Variants in ALG9 observed in about 807,000 individuals in gnomAD.
The protein encoded by ALG9 is alpha-1,2-mannosyltransferase ALG9.
A neutral mutation model predicts 81.8 loss-of-function variants in ALG9; 55 were observed. The ratio of observed to expected loss-of-function variants is 0.67; its 90% CI spans 0.54 to 0.84. The LOEUF is 0.84. Among genes scored for constraint, ALG9 ranks in the 40% least tolerant of loss-of-function variants. ALG9 has a pLI of 0.00. For missense variants in ALG9, 629 were observed against 745.0 expected (o/e 0.84, Z 1.81); for synonymous variants, 278 against 274.3 (o/e 1.01, Z -0.13).
chr11:111,871,184 G>A (rs1964183500), intron 1 of ALG9, 168 bp downstream of exon 1: 1 of 1,300,100 alleles, frequency 7.7e-7, no homozygotes, highest in South Asian at 2.4e-5. Context: ...AAGACTGAAT[G>A]CTGACCCGCC....
At chr11:111,816,253 A>AT (rs1951459487) in intron 13 of ALG9, among the ~76,000 whole-genome samples, 1 of 152,248 alleles carries the variant, frequency 6.6e-6, no homozygotes, top group Admixed American at 6.5e-5. Context: ...CAAAGCATTT[A>AT]TTAAGTATCT....
In ALG9 at chr11:111,870,382, C is replaced by CCAAAACAAA; in HGVS notation, c.132-13_132-12insTTTGTTTTG. 1 of 969,600 alleles carries CCAAAACAAA rather than the reference C, an allele frequency of 1.0e-6. No individual in the cohort carries two copies. Among genetic ancestry groups the CCAAAACAAA allele is most frequent in the Non-Finnish European group, 1.2e-6 (1 of 800,854 alleles). The allele number at this position is 969,600 out of a possible 1,614,324, so 60.1% of individuals were successfully genotyped here. A position where few individuals can be genotyped will look rare whatever the true frequency, so the allele number is the denominator to read the frequency against. ...TGTTCCCAGATAACCTGTTCAAAAG[C>CCAAAACAAA]AAAAAAAAAAAAAAAAAAAAAAGCA... On this transcript the variant is annotated splice_polypyrimidine_tract_variant and intron_variant, in intron 1 of 14. Transcript: ENST00000616540.
chr11:111,773,134 G>A, the ALG9 span, among the ~76,000 whole-genome samples: 1 of 152,136 alleles, frequency 6.6e-6, no homozygotes, highest in Admixed American at 6.5e-5. Flanking sequence ...TGAATCTGAT[G>A]CCCATGCCAA....
chr11:111,830,677 G>A (rs1954196852), intron 13 of ALG9, among the ~76,000 whole-genome samples: 2 of 151,974 alleles, frequency 1.3e-5, no homozygotes, highest in Non-Finnish European at 2.9e-5. Flanking sequence ...AAACAAATAG[G>A]GCAAGTTATT....
Position 111,836,148 on chromosome 11 carries a change from G to A in ALG9, c.1602+17C>T, listed in dbSNP as rs1955215775. ...AGAATTCTTTTCAGAGAAGCAAGAA[G>A]AGAATGTAGCCCTTACATATCTGGA... is the stretch of plus-strand genomic sequence containing the variant. On this transcript the variant is annotated intron_variant, in intron 13 of 14. Transcript: ENST00000616540. The A allele has an allele frequency of 6.2e-7, 1 of 1,613,638 alleles. No homozygotes were observed. The highest frequency in any genetic ancestry group is 8.5e-7 in the Non-Finnish European group (1 of 1,179,672).
At chr11:111,832,243 T>A (rs549000143) in intron 13 of ALG9, among the ~76,000 whole-genome samples, 2 of 152,330 alleles carry the variant, frequency 1.3e-5, no homozygotes, top group African/African-American at 4.8e-5. Context: ...CCATTTAACA[T>A]ATGTAAAATC....
At chr11:111,831,481 G>A (rs782807682) in intron 13 of ALG9, among the ~76,000 whole-genome samples, 4 of 152,152 alleles carry the variant, frequency 2.6e-5, no homozygotes, top group African/African-American at 9.7e-5. Context: ...CTGGGTGACA[G>A]AGTGAGACCC....
intron 13 of ALG9, among the ~76,000 whole-genome samples, chr11:111,830,467 T>C (rs1441370633): frequency 5.9e-5 from 9 of 152,238 alleles, no homozygotes; most frequent in African/African-American, 1.7e-4. Flanking sequence ...TTTTTGTTCA[T>C]TCAATCATTA....
intron 14 of ALG9, among the ~76,000 whole-genome samples, chr11:111,795,454 A>C (rs1289558774): frequency 6.6e-6 from 1 of 152,162 alleles, no homozygotes; most frequent in Non-Finnish European, 1.5e-5. Context: ...TGCTAAAGAA[A>C]ATATACTGCA....
rs1555089230 is a variant in ALG9, at chr11:111,809,689, C to T, written c.1687G>A (p.Glu563Lys). Residue 563 changes from glutamate (E) to lysine (K), a missense_variant, in exon 14 of 15, where the codon GAA becomes AAA. Physicochemically the swap from Glu to Lys is moderately conservative, Grantham distance 56. Around this residue, in one of 3 missense-constraint regions of ALG9, gnomAD observed 264 missense variants for 302.2 expected, o/e 0.87. Transcript: ENST00000616540. ...PREPKYSSNK[E>K]EWISLAYRPF... ...CTATAGGCCAAGCTGATCCATTCTT[C>T]TTTATTGGATGAATATTTTGGCTCC... 7 of 1,614,068 alleles carry T rather than the reference C, an allele frequency of 4.3e-6. No individual in the cohort carries two copies. The highest frequency in any genetic ancestry group is 1.1e-5 in the South Asian group (1 of 91,078).
chr11:111,820,149 A>G (rs1952106536), intron 13 of ALG9, among the ~76,000 whole-genome samples: 1 of 152,126 alleles, frequency 6.6e-6, no homozygotes. Context: ...ATTCAGATCC[A>G]TGACTGCATT....
chr11:111,870,458 A>G (rs1963977349), intron 1 of ALG9, 88 bp from the exon 2 acceptor site: 2 of 1,452,592 alleles, frequency 1.4e-6, no homozygotes, highest in East Asian at 5.2e-5. Context: ...TAGAAAGGAC[A>G]AAAAGGGCAA....
At chr11:111,786,589 T>C in intron 14 of ALG9, 69 bp from the exon 15 acceptor site, 1 of 1,518,094 alleles carries the variant, frequency 6.6e-7, no homozygotes. Flanking sequence ...CTAAATGTGA[T>C]TAAAATAAAT....
At chr11:111,828,262 CAA>C (rs1422529575) in intron 13 of ALG9, among the ~76,000 whole-genome samples, 1 of 152,196 alleles carries the variant, frequency 6.6e-6, no homozygotes, top group East Asian at 1.9e-4. Context: ...GCCAGTGATT[CAA>C]AACTGTTGGA....
intron 13 of ALG9, among the ~76,000 whole-genome samples, chr11:111,831,853 C>G (rs1007286039): frequency 2.0e-5 from 3 of 152,116 alleles, no homozygotes; most frequent in African/African-American, 2.4e-5. Flanking sequence ...TGTTCTAATA[C>G]TAGTTTCAAA....
chr11:111,788,650 T>C, intron 14 of ALG9: 1 of 363,540 alleles, frequency 2.8e-6, no homozygotes, highest in East Asian at 7.5e-5. Flanking sequence ...AAGTCTGAGC[T>C]GGTAGTATGG....
chr11:111,825,875 C>A (rs1475548952), intron 13 of ALG9, among the ~76,000 whole-genome samples: 1 of 151,718 alleles, frequency 6.6e-6, no homozygotes, highest in Non-Finnish European at 1.5e-5. Context: ...CCAGCCTAAC[C>A]AACATGGAGA....
At position 111,870,381 on chromosome 11, in the gene ALG9, G is replaced by GAAAAAAA; in HGVS notation, c.132-12_132-11insTTTTTTT. ...TTGTTCCCAGATAACCTGTTCAAAA[G>GAAAAAAA]CAAAAAAAAAAAAAAAAAAAAAAGC... On this transcript the variant is annotated splice_polypyrimidine_tract_variant and intron_variant, in intron 1 of 14. Coordinates refer to ENST00000616540, the MANE Select transcript of ALG9 (RefSeq NM_024740.2). 1 of 575,896 alleles carries GAAAAAAA rather than the reference G, an allele frequency of 1.7e-6. No individual in the cohort carries two copies. Among genetic ancestry groups the GAAAAAAA allele is most frequent in the Non-Finnish European group, 2.1e-6 (1 of 470,608 alleles). The allele number at this position is 575,896 out of a possible 1,614,324, so 35.7% of individuals were successfully genotyped here.
At chr11:111,856,716 A>C (rs544665904) in intron 6 of ALG9, among the ~76,000 whole-genome samples, 2 of 151,880 alleles carry the variant, frequency 1.3e-5, no homozygotes, top group East Asian at 3.9e-4. Flanking sequence ...CCTGTGGTAC[A>C]GGTAAGAAAT....
Sources: gnomAD v4.1 joint callset for allele counts (sites outside exome capture counted in the v4.1 genomes callset) on GRCh38, gnomAD v4.1.1 for gene constraint, gnomAD v4.1.1 regional missense constraint, MANE v1.5 for transcripts, NCBI Gene and HGNC (gene_info 2026-07-23, HGNC 2026-07-21) for gene names.